Variants in KIF26B observed in about 807,000 individuals in gnomAD.
The protein encoded by KIF26B is kinesin family member 26B.
A neutral mutation model predicts 151.2 loss-of-function variants in KIF26B; 63 were observed. That is an observed-to-expected ratio of 0.42 (90% confidence interval 0.34 to 0.51). The LOEUF (loss-of-function observed/expected upper bound fraction) is 0.51, where lower values mean the gene tolerates loss of function less well. Ranked by LOEUF, KIF26B falls within the 20% of genes least tolerant of loss-of-function variation. The pLI, the probability that KIF26B is intolerant of heterozygous loss-of-function variation, is 0.07. For missense variants in KIF26B, 2,813 were observed against 2,913.6 expected (o/e 0.97, Z 0.79); for synonymous variants, 1,357 against 1,262.1 (o/e 1.08, Z -1.59).
chr1:245,399,316 T>G (rs906508498), intron 3 of KIF26B, among the ~76,000 whole-genome samples: 3 of 152,102 alleles, frequency 2.0e-5, no homozygotes, highest in African/African-American at 7.2e-5. Flanking sequence ...TTCTCTGGAG[T>G]CCAGACTCAC....
At chr1:245,696,645 A>T (rs2044697622) in intron 12 of KIF26B, among the ~76,000 whole-genome samples, 1 of 152,282 alleles carries the variant, frequency 6.6e-6, no homozygotes, top group African/African-American at 2.4e-5. Flanking sequence ...AAAGAAAAAA[A>T]CCCCTCTGAT....
At position 245,564,734 on chromosome 1, in the gene KIF26B, A is replaced by G. The variant is rs2042991926; in HGVS notation, c.1350+23784A>G. ...AGGCACCAGGGACTGGTTTCACGGA[A>G]GACAGTTTTCCCACGGACCAAGGGT... On this transcript the variant is annotated intron_variant, in intron 5 of 14. Coordinates refer to ENST00000407071, the MANE Select transcript of KIF26B (RefSeq NM_018012.4). This position sits in a 1 kb window ranked among gnomAD's most constrained non-coding sequence, Gnocchi z 4.6. 6.6e-6 allele frequency among the ~76,000 whole-genome samples: 1 copy of G among 152,192 alleles called. No homozygotes were observed. The highest frequency in any genetic ancestry group is 1.5e-5 in the Non-Finnish European group (1 of 68,040).
intron 7 of KIF26B, 32 bp downstream of exon 7, chr1:245,607,776 C>A: frequency 6.5e-7 from 1 of 1,534,246 alleles, no homozygotes; most frequent in Non-Finnish European, 8.9e-7. Context: ...TCATGCGGCT[C>A]GTTGAGCTCC....
intron 4 of KIF26B, among the ~76,000 whole-genome samples, chr1:245,514,688 T>C (rs1660911058): frequency 6.6e-6 from 1 of 152,180 alleles, no homozygotes; most frequent in African/African-American, 2.4e-5. Flanking sequence ...TCCTAGACAT[T>C]TTTTCTCGTA....
At chr1:245,444,118 A>C (rs1572064563) in intron 4 of KIF26B, among the ~76,000 whole-genome samples, 2 of 70,218 alleles carry the variant, frequency 2.8e-5, no homozygotes, top group African/African-American at 3.8e-5. Context: ...GTTCACCTAG[A>C]GCGGTCATCT....
intron 3 of KIF26B, among the ~76,000 whole-genome samples, chr1:245,407,731 T>C (rs1674171111): frequency 6.6e-6 from 1 of 152,228 alleles, no homozygotes; most frequent in Admixed American, 6.5e-5. Context: ...TGTTAATTAA[T>C]GTATGAATTA....
chr1:245,685,733 A>G lies in KIF26B; in HGVS notation c.2750A>G (p.Glu917Gly). The change falls in exon 12 of 15, where the codon GAA becomes GGA. Residue 917 changes from glutamate (E) to glycine (G), a missense_variant. Glu to Gly is a moderately conservative substitution (Grantham distance 98). Transcript: ENST00000407071. ...EAGEAAAGKS[E>G]RDCLKCNTFA... ...GGAGAGGCTGCAGCCGGCAAGTCAG[A>G]AAGGGACTGCCTGAAGTGCAACACG... 1 of 1,612,408 alleles carries G rather than the reference A, an allele frequency of 6.2e-7. No individual in the cohort carries two copies. Among genetic ancestry groups the G allele is most frequent in the African/African-American group, 1.3e-5 (1 of 75,058 alleles).
chr1:245,159,904 C>T (rs1327996808), intron 2 of KIF26B, among the ~76,000 whole-genome samples: 9 of 152,018 alleles, frequency 5.9e-5, no homozygotes, highest in African/African-American at 1.9e-4. Flanking sequence ...TTGAACGTAA[C>T]GGAGTGGGTG....
intron 2 of KIF26B, among the ~76,000 whole-genome samples, chr1:245,250,716 T>A (rs1196518072): frequency 6.6e-6 from 1 of 152,216 alleles, no homozygotes; most frequent in Admixed American, 6.5e-5. Flanking sequence ...CATGGGAGTT[T>A]TCTCTTTTAA....
chr1:245,530,047 T>C (rs2103096180), intron 4 of KIF26B, among the ~76,000 whole-genome samples: 1 of 152,250 alleles, frequency 6.6e-6, no homozygotes, highest in South Asian at 2.1e-4. Flanking sequence ...AAAGAAGACA[T>C]ACAAGTGGCA....
At chr1:245,592,797 T>G (rs1232512119) in intron 5 of KIF26B, among the ~76,000 whole-genome samples, 1 of 152,190 alleles carries the variant, frequency 6.6e-6, no homozygotes, top group Non-Finnish European at 1.5e-5. Flanking sequence ...CCAATTTACT[T>G]TTGTTCTGTA....
intron 4 of KIF26B, among the ~76,000 whole-genome samples, chr1:245,449,102 T>C (rs1349875090): frequency 1.3e-5 from 2 of 152,212 alleles, no homozygotes; most frequent in African/African-American, 4.8e-5. Flanking sequence ...AATAACATGA[T>C]GTGGATTTGG....
intron 4 of KIF26B, among the ~76,000 whole-genome samples, chr1:245,531,704 A>G (rs1216191691): frequency 6.6e-6 from 1 of 152,214 alleles, no homozygotes; most frequent in African/African-American, 2.4e-5. Flanking sequence ...TGGACCCTGA[A>G]TAAGTGAACA....
chr1:245,557,241 A>C (rs1373596026), intron 5 of KIF26B, among the ~76,000 whole-genome samples: 1 of 152,236 alleles, frequency 6.6e-6, no homozygotes, highest in Non-Finnish European at 1.5e-5. Context: ...GTTGACCTTC[A>C]CTTGGCAGAA....
chr1:245,374,042 G>C (rs1673188177), intron 3 of KIF26B, among the ~76,000 whole-genome samples: 1 of 100,384 alleles, frequency 1.0e-5, no homozygotes, highest in African/African-American at 3.8e-5. Context: ...GGGTGACAGA[G>C]ACCCGAGAAC....
chr1:245,233,273 A>G (rs543844336), intron 2 of KIF26B, among the ~76,000 whole-genome samples: 1 of 152,352 alleles, frequency 6.6e-6, no homozygotes, highest in South Asian at 2.1e-4. Flanking sequence ...CTTAAGTTAT[A>G]TCGAACATTG....
At position 245,468,698 on chromosome 1, in the gene KIF26B, A is replaced by G. The variant is rs952501127; in HGVS notation, c.1166+48953A>G. ...CTTAGAGAGAGAGAGAGAGAGAGAG[A>G]GGTGAGGGAGGGGCTTTGTTATTGA... On this transcript the variant is annotated intron_variant, in intron 4 of 14. Transcript: ENST00000407071. Among the ~76,000 whole-genome samples, 77 of 150,724 alleles carry G rather than the reference A, an allele frequency of 5.1e-4. 2 individuals are homozygous for G. Among genetic ancestry groups the G allele is most frequent in the Admixed American group, 4.9e-3 (74 of 15,038 alleles).
intron 2 of KIF26B, among the ~76,000 whole-genome samples, chr1:245,157,562 T>G (rs1668466634): frequency 6.6e-6 from 1 of 152,264 alleles, no homozygotes; most frequent in African/African-American, 2.4e-5. Context: ...AATGACTGCG[T>G]CTGCTGGCCC....
intron 4 of KIF26B, among the ~76,000 whole-genome samples, chr1:245,504,269 A>G (rs1215830876): frequency 1.3e-5 from 2 of 151,098 alleles, no homozygotes; most frequent in East Asian, 2.0e-4. Context: ...CCCACCTTCC[A>G]TCCCAAACAC....
Sources: allele counts gnomAD v4.1 joint callset (sites outside exome capture counted in the v4.1 genomes callset), GRCh38; gene constraint gnomAD v4.1.1; non-coding constraint Gnocchi (gnomAD v3.1); transcripts MANE v1.5; gene names NCBI Gene and HGNC (gene_info 2026-07-23, HGNC 2026-07-21).